The following CCDC169 variants were observed in gnomAD, a reference collection of about 807,000 sequenced individuals.
CCDC169 encodes coiled-coil domain-containing protein 169.
Under a neutral mutation model 36.0 loss-of-function variants are expected in CCDC169, and 30 were observed. The ratio of observed to expected loss-of-function variants is 0.83; its 90% CI spans 0.62 to 1.13. The LOEUF (loss-of-function observed/expected upper bound fraction) is 1.13. CCDC169 is among the 50% of genes most tolerant of loss of function. CCDC169 has a pLI of 0.00. For missense variants in CCDC169, 245 were observed against 245.9 expected, an observed-to-expected ratio of 1.00 and a Z score of 0.03; for synonymous variants, 85 against 81.5, an observed-to-expected ratio of 1.04 and a Z score of -0.23.
intron 6 of CCDC169, among the ~76,000 whole-genome samples, chr13:36,251,895 A>C (rs1873220758): frequency 6.6e-6 from 1 of 152,148 alleles, no homozygotes; most frequent in Non-Finnish European, 1.5e-5. Context: ...GGAATTTAAA[A>C]CCTATTATGT....
At chr13:36,252,609 T>C (rs1873310943) in intron 6 of CCDC169, among the ~76,000 whole-genome samples, 1 of 152,246 alleles carries the variant, frequency 6.6e-6, no homozygotes. Context: ...ACTGTCACTG[T>C]TGAACTTCTT....
In CCDC169 at chr13:36,283,527, T is replaced by C. The variant is rs779037553; in HGVS notation, c.275-18A>G. ...TAGTCTATCTACAATAAATCAAATATGAGCACTTAATGTTTTATCAGTTTT... is the reference window on the plus strand; with the variant it reads ...TAGTCTATCTACAATAAATCAAATACGAGCACTTAATGTTTTATCAGTTTT... On this transcript the variant is annotated intron_variant, in intron 3 of 7. Transcript: ENST00000239859. 1.9e-5 allele frequency: 30 copies of C among 1,550,690 alleles called. No individual in the cohort carries two copies. In the South Asian group the frequency reaches 3.6e-4, roughly 18 times the overall value.
At chr13:36,291,705 T>C (rs1487822892) in intron 2 of CCDC169, among the ~76,000 whole-genome samples, 6 of 152,192 alleles carry the variant, frequency 3.9e-5, no homozygotes, top group Admixed American at 2.6e-4. Context: ...AGCAGGCAGC[T>C]TTGGTATTTT....
intron 4 of CCDC169, among the ~76,000 whole-genome samples, chr13:36,269,573 C>T (rs1342154511): frequency 6.6e-6 from 1 of 152,116 alleles, no homozygotes; most frequent in African/African-American, 2.4e-5. Flanking sequence ...AGATAAGGTA[C>T]CTTGATCAAG....
chr13:36,260,134 A>G (rs1249499400), intron 4 of CCDC169, among the ~76,000 whole-genome samples: 1 of 152,248 alleles, frequency 6.6e-6, no homozygotes, highest in African/African-American at 2.4e-5. Flanking sequence ...AGAAGATTGC[A>G]GCTTATAGAG....
At chr13:36,275,780 A>G (rs1876723346) in intron 4 of CCDC169, among the ~76,000 whole-genome samples, 1 of 152,200 alleles carries the variant, frequency 6.6e-6, no homozygotes, top group Non-Finnish European at 1.5e-5. Context: ...CAGCACAGCT[A>G]AAAGAAGAAT....
chr13:36,223,018 A>G (rs1840256815), downstream of CCDC169: 1 of 152,192 alleles, frequency 6.6e-6, no homozygotes, highest in South Asian at 2.1e-4. Flanking sequence ...AATTTTCCAC[A>G]TTTGATGAAA....
chr13:36,277,581 C>T (rs535991736), intron 4 of CCDC169, among the ~76,000 whole-genome samples: 71 of 152,218 alleles, frequency 4.7e-4, no homozygotes, highest in African/African-American at 1.6e-3. Flanking sequence ...CACTAAGTCC[C>T]GTTTTGGTGA....
At chr13:36,293,786 G>A (rs186604904) in intron 2 of CCDC169, among the ~76,000 whole-genome samples, 1 of 152,304 alleles carries the variant, frequency 6.6e-6, no homozygotes, top group East Asian at 1.9e-4. Context: ...ATTGCAACCA[G>A]AGACCCCAAT....
In CCDC169 at chr13:36,265,022, A is replaced by G. The variant is rs565980647; in HGVS notation, c.316-10879T>C. 7.3e-4 allele frequency among the ~76,000 whole-genome samples: 111 copies of G among 152,306 alleles called. 1 individual carries two copies. The highest frequency in any genetic ancestry group is 1.4e-3 in the Non-Finnish European group (92 of 68,028). On this transcript the variant is annotated intron_variant, in intron 4 of 7. Coordinates refer to ENST00000239859, the MANE Select transcript of CCDC169 (RefSeq NM_001144981.3). ...GGTCAACTGCCTGCTTGATTTATCAATCACTGACAGTGGGATGTTGAAGTC... is the reference window on the plus strand; with the variant it reads ...GGTCAACTGCCTGCTTGATTTATCAGTCACTGACAGTGGGATGTTGAAGTC...
rs993959111 is a variant in CCDC169 at position 36,282,397 on chromosome 13, T to A, written c.315+1072A>T. The A allele has an allele frequency of 1.1e-5, 11 of 985,308 alleles. No homozygotes were observed. In the African/African-American group the frequency reaches 1.7e-4, roughly 16 times the overall value. 61.0% of individuals were successfully genotyped at this position (985,308 alleles called of 1,614,324 possible). On this transcript the variant is annotated intron_variant, in intron 4 of 7. Transcript: ENST00000239859. ...GGTCTCTTGACTGGATATAGGATTG[T>A]TGGATCCCAATGCTTTTTGCTTAGT...
chr13:36,294,747 G>A (rs549307402), intron 2 of CCDC169, among the ~76,000 whole-genome samples: 1 of 152,082 alleles, frequency 6.6e-6, no homozygotes, highest in Non-Finnish European at 1.5e-5. Context: ...GCATGAGAGG[G>A]TTGAGATTGA....
At chr13:36,284,282 C>T in intron 2 of CCDC169, among the ~76,000 whole-genome samples, 1 of 152,108 alleles carries the variant, frequency 6.6e-6, no homozygotes, top group East Asian at 1.9e-4. Flanking sequence ...ATAACTATCA[C>T]TTACGTGTCT....
chr13:36,280,979 C>A, intron 4 of CCDC169: 1 of 219,738 alleles, frequency 4.6e-6, no homozygotes, highest in Admixed American at 5.5e-5. Flanking sequence ...ACAGTTCTAA[C>A]TCCCAATGAA....
At chr13:36,282,701 T>A (rs1465255665) in intron 4 of CCDC169, 1 of 209,626 alleles carries the variant, frequency 4.8e-6, no homozygotes, top group Non-Finnish European at 8.3e-6. Context: ...GAGAACCACA[T>A]TTTCTTCAAA....
chr13:36,296,705 A>G (rs2138668396), intron 1 of CCDC169, among the ~76,000 whole-genome samples: 1 of 152,362 alleles, frequency 6.6e-6, no homozygotes, highest in East Asian at 1.9e-4. Flanking sequence ...ACAGAAAAAT[A>G]GCAATAGCGG....
chr13:36,288,197 G>A (rs1459601856), intron 2 of CCDC169, among the ~76,000 whole-genome samples: 3 of 151,924 alleles, frequency 2.0e-5, no homozygotes, highest in African/African-American at 7.3e-5. Context: ...TTTTTTAGTA[G>A]AGACAGGGTT....
intron 4 of CCDC169, chr13:36,281,107 G>C (rs559146666): frequency 2.9e-6 from 1 of 347,538 alleles, no homozygotes; most frequent in Non-Finnish European, 5.6e-6. Flanking sequence ...GAATGATAAC[G>C]TGAAGCAGCT....
chr13:36,264,133 C>A (rs981812684), intron 4 of CCDC169, among the ~76,000 whole-genome samples: 2 of 152,126 alleles, frequency 1.3e-5, no homozygotes, highest in African/African-American at 4.8e-5. Flanking sequence ...TTAAAGATAA[C>A]CTGAATTAGA....
Sources: gnomAD v4.1 joint callset for allele counts (sites outside exome capture counted in the v4.1 genomes callset) on GRCh38, gnomAD v4.1.1 for gene constraint, MANE v1.5 for transcripts, NCBI Gene and HGNC (gene_info 2026-07-23, HGNC 2026-07-21) for gene names.